Variants in SH3D19 observed in about 807,000 individuals in gnomAD.
SH3D19 encodes SH3 domain containing 19, also known as SH3 domain-containing protein 19.
Under a neutral mutation model 112.1 loss-of-function variants are expected in SH3D19, and 58 were observed. That is an observed-to-expected ratio of 0.52 (90% CI 0.42 to 0.64). The LOEUF (loss-of-function observed/expected upper bound fraction) is 0.64, where lower values mean the gene tolerates loss of function less well. Ranked by LOEUF, SH3D19 falls within the 30% of genes least tolerant of loss-of-function variation. The probability of loss-of-function intolerance (pLI) is 0.00; values close to 1 mark genes in which losing one functional copy is unlikely to be tolerated. For missense variants in SH3D19, 1,090 were observed against 1,263.4 expected (o/e 0.86, Z 2.08); for synonymous variants, 391 against 448.5 (o/e 0.87, Z 1.62).
chr4:151,198,011 A>G (rs1341968676), intron 2 of SH3D19, among the ~76,000 whole-genome samples: 1 of 152,130 alleles, frequency 6.6e-6, no homozygotes, highest in Admixed American at 6.5e-5. Context: ...AACTTTAAAA[A>G]ATGTATCTTT....
intron 1 of SH3D19, among the ~76,000 whole-genome samples, chr4:151,277,406 TAC>T (rs1200451617): frequency 6.6e-6 from 1 of 151,976 alleles, no homozygotes; most frequent in African/African-American, 2.4e-5. Context: ...GAAATAGCAG[TAC>T]ACACACACAC....
intron 1 of SH3D19, chr4:151,283,296 TG>T (rs751441374): frequency 6.2e-7 from 1 of 1,608,730 alleles, no homozygotes; most frequent in East Asian, 2.2e-5. Context: ...GGTCAGGGTT[TG>T]CTCTAGAGAA....
intron 1 of SH3D19, among the ~76,000 whole-genome samples, chr4:151,296,922 A>G (rs916207383): frequency 3.9e-5 from 6 of 152,350 alleles, no homozygotes; most frequent in African/African-American, 1.4e-4. Flanking sequence ...ATGTGAGGAC[A>G]TTACAGAAAA....
intron 2 of SH3D19, among the ~76,000 whole-genome samples, chr4:151,223,003 CTT>C (rs33925824): frequency 0.69 from 79,771 of 115,284 alleles, 28,829 homozygotes; most frequent in Non-Finnish European, 0.83. Context: ...TTCTCCCAGC[CTT>C]TTTTTTTTTT....
chr4:151,315,068 AC>A (rs1003611966), intron 1 of SH3D19, among the ~76,000 whole-genome samples: 14 of 152,254 alleles, frequency 9.2e-5, no homozygotes, highest in Non-Finnish European at 1.5e-4. Flanking sequence ...GATTCCATTC[AC>A]CAAAAAAGGA....
At chr4:151,177,110 T>A (rs1402808074) in intron 4 of SH3D19, among the ~76,000 whole-genome samples, 155 bp from the exon 5 acceptor site, 1 of 152,248 alleles carries the variant, frequency 6.6e-6, no homozygotes, top group Non-Finnish European at 1.5e-5. Context: ...GGGCTGTCTC[T>A]GACAGTACAC....
At chr4:151,210,436 C>T (rs1765785935) in intron 2 of SH3D19, among the ~76,000 whole-genome samples, 1 of 146,252 alleles carries the variant, frequency 6.8e-6, no homozygotes, top group African/African-American at 2.6e-5. Context: ...CAGAGTCTCG[C>T]TGTCACCCAG....
At chr4:151,150,377 G>A (rs763557244) in intron 9 of SH3D19, among the ~76,000 whole-genome samples, 1 of 144,676 alleles carries the variant, frequency 6.9e-6, no homozygotes, top group African/African-American at 2.6e-5. Flanking sequence ...TATTCATTCC[G>A]TGATCACACA....
intron 3 of SH3D19, among the ~76,000 whole-genome samples, chr4:151,180,843 A>C (rs1354353299): frequency 1.3e-5 from 2 of 151,182 alleles, no homozygotes; most frequent in Admixed American, 6.6e-5. Context: ...GGCTCACTGC[A>C]AGCTCCGCCT....
rs772532756 is a variant in SH3D19 at position 151,127,672 on chromosome 4, C to A, written c.2973G>T (p.Lys991Asn). The A allele has an allele frequency of 1.9e-6, 3 of 1,605,506 alleles. No individual in the cohort carries two copies. The highest frequency in any genetic ancestry group is 2.7e-5 in the African/African-American group (2 of 74,338). The change falls in exon 19 of 20, where the codon AAG (lysine) becomes AAT (asparagine). Residue 991 changes from lysine to asparagine, a missense_variant. Lys to Asn is a moderately conservative substitution (Grantham distance 94, BLOSUM62 0). Coordinates refer to ENST00000604030, the MANE Select transcript of SH3D19 (RefSeq NM_001378122.1). ...CTCGGAAATCATATAAGGCTTTGGC[C>A]TTCCTCCCCTTCGGTACTATGGCCA... The part of the protein sequence containing the change: ...SMLAIVPKGR[K>N]AKALYDFRGE...
At chr4:151,265,700 C>T (rs578170161) in intron 1 of SH3D19, among the ~76,000 whole-genome samples, 149 of 151,440 alleles carry the variant, frequency 9.8e-4, no homozygotes, top group Non-Finnish European at 1.8e-3. Flanking sequence ...CCTCAGCCTC[C>T]GGAGTAGCTA....
intron 16 of SH3D19, 38 bp from the exon 17 acceptor site, chr4:151,132,421 C>A (rs1371888040): frequency 6.3e-7 from 1 of 1,589,322 alleles, no homozygotes; most frequent in South Asian, 1.1e-5. Flanking sequence ...GAAGTCAGAA[C>A]ATTAGATGTG....
At chr4:151,233,863 C>T (rs993654766) in intron 1 of SH3D19, among the ~76,000 whole-genome samples, 1 of 152,190 alleles carries the variant, frequency 6.6e-6, no homozygotes, top group East Asian at 1.9e-4. Context: ...TTTATCTAAG[C>T]AGCGTCTGAT....
At chr4:151,269,201 G>A (rs1339543936) in intron 1 of SH3D19, among the ~76,000 whole-genome samples, 1 of 152,174 alleles carries the variant, frequency 6.6e-6, no homozygotes, top group Admixed American at 6.5e-5. Context: ...GTGATGGTGA[G>A]CATTTTTTCA....
chr4:151,276,285 G>A (rs1386916950), intron 1 of SH3D19, among the ~76,000 whole-genome samples: 1 of 152,160 alleles, frequency 6.6e-6, no homozygotes, highest in African/African-American at 2.4e-5. Flanking sequence ...AAAACAAAAG[G>A]CAGAGTGAAG....
chr4:151,264,427 C>CCA lies in SH3D19; in HGVS notation c.113-38342_113-38341insTG, dbSNP rs71596245. ...TGGGCAACAGAGTGAGACTCTGTCT[C>CCA]AAAAAAAAAAAAAAAAACCAAACAA... On this transcript the variant is annotated intron_variant, in intron 1 of 19. Transcript: ENST00000604030. 8.5e-5 allele frequency among the ~76,000 whole-genome samples: 9 copies of CCA among 106,078 alleles called. No individual in the cohort carries two copies. The South Asian group carries it at 3.2e-3, about 38-fold the overall frequency. The allele number at this position is 106,078 out of a possible 152,430, so 69.6% of individuals were successfully genotyped here.
At chr4:151,185,040 GTTTTTTTT>G (rs66567240) in intron 3 of SH3D19, among the ~76,000 whole-genome samples, 1 of 66,520 alleles carries the variant, frequency 1.5e-5, no homozygotes, top group South Asian at 6.6e-4. Flanking sequence ...GCTGTGTCCT[GTTTTTTTT>G]TTTTTTTTTT....
intron 1 of SH3D19, among the ~76,000 whole-genome samples, chr4:151,275,848 A>ATTT (rs370367821): frequency 7.4e-6 from 1 of 135,228 alleles, no homozygotes; most frequent in African/African-American, 2.8e-5. Flanking sequence ...TATTATTATT[A>ATTT]TTTTTTTTTT....
chr4:151,154,326 G>T (rs1480513308), intron 9 of SH3D19, among the ~76,000 whole-genome samples: 5 of 150,502 alleles, frequency 3.3e-5, no homozygotes, highest in Non-Finnish European at 7.4e-5. Context: ...TAGAGATGGG[G>T]TTTCTCCATG....
Sources: allele counts gnomAD v4.1 joint callset (sites outside exome capture counted in the v4.1 genomes callset), GRCh38; gene constraint gnomAD v4.1.1; transcripts MANE v1.5; gene names NCBI Gene and HGNC (gene_info 2026-07-23, HGNC 2026-07-21).